LHFPL4: variants seen among roughly 807,000 people sequenced by gnomAD.
LHFPL4 encodes LHFPL tetraspan subfamily member 4, also known as LHFPL tetraspan subfamily member 4 protein.
Under a neutral mutation model 20.0 loss-of-function variants are expected in LHFPL4, and 6 were observed. The observed-to-expected ratio is 0.30, with a 90% CI of 0.16 to 0.59. LHFPL4 has a LOEUF of 0.59. Ranked by LOEUF, LHFPL4 falls within the 20% of genes least tolerant of loss-of-function variation. The pLI, the probability that LHFPL4 is intolerant of heterozygous loss-of-function variation, is 0.88. For missense variants in LHFPL4, 215 were observed against 331.2 expected, an observed-to-expected ratio of 0.65 and a Z score of 2.72; for synonymous variants, 129 against 143.8, an observed-to-expected ratio of 0.90 and a Z score of 0.74.
In LHFPL4 at chr3:9,512,201, G is replaced by A. The variant is rs552730261; in HGVS notation, c.407-5998C>T. Among the ~76,000 whole-genome samples, 15 of 152,342 alleles carry A rather than the reference G, an allele frequency of 9.8e-5. No individual in the cohort carries two copies. In the South Asian group the frequency reaches 2.1e-3, roughly 21 times the overall value. On this transcript the variant is annotated intron_variant, in intron 2 of 3. Transcript: ENST00000287585. The stretch of plus-strand genomic sequence containing the variant: ...CCGCCTTGGCCTCCCACAGTGCTGG[G>A]ATTACAGGCGTGAGCCACCGCGCCG...
At chr3:9,523,481 T>TATTA (rs1390941888) in intron 2 of LHFPL4, among the ~76,000 whole-genome samples, 56 of 151,368 alleles carry the variant, frequency 3.7e-4, no homozygotes, top group African/African-American at 1.3e-3. Flanking sequence ...TTTATTTATT[T>TATTA]ATTTATTTTG....
At chr3:9,546,749 C>G (rs1448149353) in intron 2 of LHFPL4, among the ~76,000 whole-genome samples, 1 of 152,202 alleles carries the variant, frequency 6.6e-6, no homozygotes, top group Non-Finnish European at 1.5e-5. Context: ...TGTCAAAGAT[C>G]CCTCACAAAC....
intron 2 of LHFPL4, among the ~76,000 whole-genome samples, chr3:9,509,249 C>CG (rs1559515037): frequency 2.7e-5 from 3 of 111,830 alleles, no homozygotes; most frequent in East Asian, 6.6e-4. Flanking sequence ...GCACCCCCCT[C>CG]TCTCTCTCTC....
At chr3:9,542,471 A>T (rs1421516224) in intron 2 of LHFPL4, among the ~76,000 whole-genome samples, 1 of 152,130 alleles carries the variant, frequency 6.6e-6, no homozygotes, top group African/African-American at 2.4e-5. Context: ...ACATGAATGA[A>T]CTTTGAAAAT....
intron 2 of LHFPL4, among the ~76,000 whole-genome samples, chr3:9,522,020 C>G (rs189139377): frequency 1.3e-3 from 194 of 151,922 alleles, no homozygotes; most frequent in African/African-American, 4.5e-3. Context: ...ATTTTTCTCT[C>G]CTTTCTTAGA....
At chr3:9,517,093 A>G (rs2046308061) in intron 2 of LHFPL4, among the ~76,000 whole-genome samples, 1 of 152,136 alleles carries the variant, frequency 6.6e-6, no homozygotes, top group Non-Finnish European at 1.5e-5. Context: ...CACACTTTTA[A>G]TTACTATAGC....
intron 2 of LHFPL4, among the ~76,000 whole-genome samples, chr3:9,523,127 CAA>C: frequency 3.7e-5 from 5 of 136,240 alleles, no homozygotes; most frequent in Admixed American, 7.3e-5. Flanking sequence ...AGCAAGCAAG[CAA>C]GCAAGCGAGC....
intron 2 of LHFPL4, among the ~76,000 whole-genome samples, chr3:9,516,396 T>C (rs1559516873): frequency 6.6e-6 from 1 of 152,138 alleles, no homozygotes; most frequent in Non-Finnish European, 1.5e-5. Context: ...TGACTGTATT[T>C]ATGTGGGTCT....
At position 9,511,622 on chromosome 3, in the gene LHFPL4, T is replaced by C. The variant is rs147718182; in HGVS notation, c.407-5419A>G. On this transcript the variant is annotated intron_variant, in intron 2 of 3. Transcript: ENST00000287585. ...ATTTGCCATAAATAGAAAAACACTA[T>C]AAATGTAGGTATAATGAAATCAAAA... Among the ~76,000 whole-genome samples, 5 of 152,298 alleles carry C rather than the reference T, an allele frequency of 3.3e-5. No homozygotes were observed. The East Asian group carries it at 7.7e-4, about 23-fold the overall frequency.
In LHFPL4 at chr3:9,506,877, G is replaced by C. The variant is rs181346460; in HGVS notation, c.407-674C>G. On this transcript the variant is annotated intron_variant, in intron 2 of 3. Transcript: ENST00000287585. This position sits in a 1 kb window ranked among gnomAD's most constrained non-coding sequence, Gnocchi z 4.5. ...ATTATAGGAGTGAGCCACCACACCC[G>C]CCCTCATTGTTATTTTTTAAATTCT... Among the ~76,000 whole-genome samples the C allele has an allele frequency of 6.6e-6, 1 of 152,208 alleles. No individual in the cohort carries two copies. Among genetic ancestry groups the C allele is most frequent in the African/African-American group, 2.4e-5 (1 of 41,554 alleles).
intron 2 of LHFPL4, among the ~76,000 whole-genome samples, chr3:9,521,827 A>T (rs917384036): frequency 3.3e-5 from 5 of 152,044 alleles, no homozygotes; most frequent in African/African-American, 1.2e-4. Flanking sequence ...GTCTTTTTTT[A>T]AAATCTATTC....
At chr3:9,512,290 A>C (rs2046266550) in intron 2 of LHFPL4, among the ~76,000 whole-genome samples, 1 of 152,204 alleles carries the variant, frequency 6.6e-6, no homozygotes, top group South Asian at 2.1e-4. Flanking sequence ...CCCCTGTGAA[A>C]TGAGGATCAT....
At chr3:9,526,967 A>G (rs1422650879) in intron 2 of LHFPL4, among the ~76,000 whole-genome samples, 1 of 152,172 alleles carries the variant, frequency 6.6e-6, no homozygotes, top group Non-Finnish European at 1.5e-5. Flanking sequence ...AAAGGTTAAA[A>G]TGGTAAATTT....
In LHFPL4 at chr3:9,533,384, C is replaced by T. The variant is rs144953918; in HGVS notation, c.406+18890G>A. On this transcript the variant is annotated intron_variant, in intron 2 of 3. Coordinates refer to ENST00000287585, the MANE Select transcript of LHFPL4 (RefSeq NM_198560.3). Reference sequence around the variant, plus strand: ...ACAAAATAGTATACAGCAGTGAAGACGGACAAACTGTGGTTACCTGCAACA... The same window carrying T: ...ACAAAATAGTATACAGCAGTGAAGATGGACAAACTGTGGTTACCTGCAACA... 2.0e-3 allele frequency among the ~76,000 whole-genome samples: 307 copies of T among 152,302 alleles called. 1 individual carries two copies. The highest frequency in any genetic ancestry group is 4.1e-3 in the South Asian group (20 of 4,822).
chr3:9,542,064 T>C (rs1478831422), intron 2 of LHFPL4, among the ~76,000 whole-genome samples: 1 of 151,898 alleles, frequency 6.6e-6, no homozygotes, highest in East Asian at 1.9e-4. Context: ...GGAGGGAGGA[T>C]CACCTGAGGT....
At chr3:9,514,700 T>A (rs779043762) in intron 2 of LHFPL4, among the ~76,000 whole-genome samples, 3 of 152,234 alleles carry the variant, frequency 2.0e-5, no homozygotes, top group Non-Finnish European at 4.4e-5. Context: ...CCACACTGAT[T>A]GTTTCACTAC....
chr3:9,526,631 C>T (rs560930007), intron 2 of LHFPL4, among the ~76,000 whole-genome samples: 2 of 152,120 alleles, frequency 1.3e-5, no homozygotes, highest in Admixed American at 1.3e-4. Flanking sequence ...TGAATGTGAT[C>T]TCATTTGGAA....
intron 2 of LHFPL4, among the ~76,000 whole-genome samples, chr3:9,534,435 G>C (rs2046432908): frequency 6.6e-6 from 1 of 152,198 alleles, no homozygotes; most frequent in Admixed American, 6.5e-5. Context: ...AAGGCTCATG[G>C]TAACAAATAC....
intron 2 of LHFPL4, among the ~76,000 whole-genome samples, chr3:9,508,682 C>T (rs545239930): frequency 2.2e-4 from 33 of 152,266 alleles, no homozygotes; most frequent in East Asian, 2.1e-3. Flanking sequence ...AAGGCCTGGC[C>T]GTCATCTCTC....
Sources: allele counts gnomAD v4.1 joint callset (sites outside exome capture counted in the v4.1 genomes callset), GRCh38; gene constraint gnomAD v4.1.1; non-coding constraint Gnocchi (gnomAD v3.1); transcripts MANE v1.5; gene names NCBI Gene and HGNC (gene_info 2026-07-23, HGNC 2026-07-21).